KIAA0232: variants seen among roughly 807,000 people sequenced by gnomAD.
The protein encoded by KIAA0232 is KIAA0232, also known as uncharacterized protein KIAA0232.
Under a neutral mutation model 122.0 loss-of-function variants are expected in KIAA0232, and 27 were observed. That is an observed-to-expected ratio of 0.22 (90% CI 0.16 to 0.31). KIAA0232 has a LOEUF of 0.31. KIAA0232 is among the 10% of genes least tolerant of loss of function. The probability of loss-of-function intolerance (pLI) is 1.00; values close to 1 mark genes in which losing one functional copy is unlikely to be tolerated. For missense variants in KIAA0232, 1,551 were observed against 1,634.2 expected (o/e 0.95, Z 0.88); for synonymous variants, 613 against 587.6 (o/e 1.04, Z -0.63).
intron 3 of KIAA0232, among the ~76,000 whole-genome samples, chr4:6,824,995 C>G (rs1171998864): frequency 6.6e-6 from 1 of 152,144 alleles, no homozygotes; most frequent in South Asian, 2.1e-4. Context: ...TAGCAGTGCT[C>G]TGGAATGTTG....
rs531883737 is a variant in KIAA0232 at position 6,839,156 on chromosome 4, TC to T, written c.232-2909del. On this transcript the variant is annotated intron_variant, in intron 3 of 9. Transcript: ENST00000307659. ...TAAAATAAATAAAGCTAAGGATTCT[TC>T]CTTTCAAGCTTCTAGGAATGACATT... Among the ~76,000 whole-genome samples the T allele has an allele frequency of 5.1e-4, 77 of 152,298 alleles. No homozygotes were observed. In the South Asian group the frequency reaches 0.015, roughly 29 times the overall value.
Position 6,863,765 on chromosome 4 carries a change from C to T in KIAA0232, c.3383C>T (p.Ser1128Phe). ...PGGGSESEFE[S>F]EKDEANIPIP... ...GGAGGAAGCGAGTCAGAATTTGAAT[C>T]TGAGAAAGATGAAGCAAATATTCCC... Residue 1128 changes from serine (S) to phenylalanine (F), a missense_variant, in exon 7 of 10, where the codon TCT becomes TTT. Coordinates refer to ENST00000307659, the MANE Select transcript of KIAA0232 (RefSeq NM_014743.3). The T allele has an allele frequency of 6.2e-7, 1 of 1,614,174 alleles. No homozygotes were observed. The highest frequency in any genetic ancestry group is 8.5e-7 in the Non-Finnish European group (1 of 1,180,040).
chr4:6,791,022 G>A lies in KIAA0232; in HGVS notation c.-354+8181G>A, dbSNP rs568707394. Among the ~76,000 whole-genome samples, 3 of 147,688 alleles carry A rather than the reference G, an allele frequency of 2.0e-5. No individual in the cohort carries two copies. The Admixed American group carries it at 2.1e-4, about 10-fold the overall frequency. On this transcript the variant is annotated intron_variant, in intron 1 of 9. Transcript: ENST00000307659. ...CAACCTCCACCTCCCGGGTTCAAGC[G>A]ATTCTCCTGCCTTGGCCTCCTGAGT... is the stretch of plus-strand genomic sequence containing the variant.
chr4:6,802,939 C>T (rs1001856345), intron 1 of KIAA0232, among the ~76,000 whole-genome samples: 9 of 145,746 alleles, frequency 6.2e-5, no homozygotes, highest in Non-Finnish European at 1.3e-4. Flanking sequence ...GGAAGGATCA[C>T]TTGAGGTCAA....
rs1252717646 is a variant in KIAA0232 at position 6,871,692 on chromosome 4, C to T, written c.3910+10C>T. The T allele has an allele frequency of 6.8e-7, 1 of 1,462,614 alleles. No homozygotes were observed. The highest frequency in any genetic ancestry group is 9.5e-7 in the Non-Finnish European group (1 of 1,051,506). 90.6% of individuals were successfully genotyped at this position (1,462,614 alleles called of 1,614,324 possible). A position where few individuals can be genotyped will look rare whatever the true frequency, so the allele number is the denominator to read the frequency against. On this transcript the variant is annotated intron_variant, in intron 8 of 9. Transcript: ENST00000307659. ...GCATCAGAGTGTGAAGGTAAGGAGA[C>T]CTTTGTTAGTTCATTTATTCATTGC...
intron 1 of KIAA0232, among the ~76,000 whole-genome samples, chr4:6,786,443 C>T (rs190504643): frequency 5.3e-5 from 8 of 152,168 alleles, no homozygotes; most frequent in Admixed American, 3.3e-4. Flanking sequence ...GCTGGGACCA[C>T]GGGCATGCAC....
chr4:6,811,356 G>A (rs1717867269), intron 2 of KIAA0232, among the ~76,000 whole-genome samples: 1 of 152,192 alleles, frequency 6.6e-6, no homozygotes, highest in Admixed American at 6.5e-5. Context: ...TAAGGCACAA[G>A]CCAGACATAG....
chr4:6,834,586 T>G (rs1719168267), intron 3 of KIAA0232, among the ~76,000 whole-genome samples: 1 of 152,220 alleles, frequency 6.6e-6, no homozygotes, highest in South Asian at 2.1e-4. Context: ...CCATATATCC[T>G]AATTATGCAT....
At position 6,783,879 on chromosome 4, in the gene KIAA0232, A is replaced by G. The variant is rs576699945; in HGVS notation, c.-354+1038A>G. On this transcript the variant is annotated intron_variant, in intron 1 of 9. Transcript: ENST00000307659. Reference sequence around the variant, plus strand: ...CCAACAATACGCGTCTGCAGCCGGCATTTCTAGAGCTCTCTGCTTCTTCCC... The same window carrying G: ...CCAACAATACGCGTCTGCAGCCGGCGTTTCTAGAGCTCTCTGCTTCTTCCC... 1.7e-3 allele frequency among the ~76,000 whole-genome samples: 256 copies of G among 152,282 alleles called. 1 individual carries two copies. The highest frequency in any genetic ancestry group is 0.015 in the South Asian group (73 of 4,826).
Position 6,881,485 on chromosome 4 carries a change from A to G in KIAA0232, c.*519A>G, listed in dbSNP as rs1722070707. The G allele has an allele frequency of 6.5e-6, 1 of 152,680 alleles. No homozygotes were observed. The allele number at this position is 152,680 out of a possible 1,614,324, so 9.5% of individuals were successfully genotyped here. ...ACTCAGCGGTGGTCTCCATTCAGCA[A>G]AATCTCATGTACATTTCCAGTAGGA... On this transcript the variant is annotated 3_prime_UTR_variant, in exon 10 of 10. Coordinates refer to ENST00000307659, the MANE Select transcript of KIAA0232 (RefSeq NM_014743.3).
At chr4:6,837,586 G>C (rs1001011846) in intron 3 of KIAA0232, among the ~76,000 whole-genome samples, 1 of 152,306 alleles carries the variant, frequency 6.6e-6, no homozygotes, top group Admixed American at 6.5e-5. Flanking sequence ...AGGTTGTAGC[G>C]AGCCGAGATC....
At position 6,861,456 on chromosome 4, in the gene KIAA0232, T is replaced by C. The variant is rs1219979369; in HGVS notation, c.1074T>C (p.Ser358=). The C allele has an allele frequency of 3.1e-6, 5 of 1,614,206 alleles. No homozygotes were observed. The highest frequency in any genetic ancestry group is 4.2e-6 in the Non-Finnish European group (5 of 1,180,038). ...TGSSSSSSSG[S]VKQLCKRGKR... is the part of the protein sequence containing the mutation. ...GTAGTAGCAGTAGCAGCAGTGGTTCTGTCAAACAGCTGTGCAAGCGGGGTA... is the reference window on the plus strand; with the variant it reads ...GTAGTAGCAGTAGCAGCAGTGGTTCCGTCAAACAGCTGTGCAAGCGGGGTA... The change falls in exon 7 of 10, where the codon TCT becomes TCC. Residue 358 remains serine, a synonymous_variant. Coordinates refer to ENST00000307659, the MANE Select transcript of KIAA0232 (RefSeq NM_014743.3).
intron 3 of KIAA0232, among the ~76,000 whole-genome samples, chr4:6,833,315 A>G (rs181485753): frequency 4.5e-4 from 69 of 152,274 alleles, no homozygotes; most frequent in African/African-American, 1.6e-3. Flanking sequence ...TCTTATTTCA[A>G]ATCAGCATTT....
At chr4:6,801,450 A>T (rs1717379831) in intron 1 of KIAA0232, among the ~76,000 whole-genome samples, 1 of 152,076 alleles carries the variant, frequency 6.6e-6, no homozygotes, top group Non-Finnish European at 1.5e-5. Flanking sequence ...GCCCTTTGGG[A>T]GGCTGAGGTG....
At chr4:6,826,994 C>T (rs573951955) in intron 3 of KIAA0232, among the ~76,000 whole-genome samples, 1 of 152,264 alleles carries the variant, frequency 6.6e-6, no homozygotes, top group African/African-American at 2.4e-5. Flanking sequence ...TTGATCCTCC[C>T]TCCAGAGTTC....
At chr4:6,847,020 G>A (rs1347624695) in intron 4 of KIAA0232, among the ~76,000 whole-genome samples, 1 of 151,886 alleles carries the variant, frequency 6.6e-6, no homozygotes, top group African/African-American at 2.4e-5. Context: ...AACAGTTCAA[G>A]TTTATAATCT....
At chr4:6,838,414 C>G (rs1560184662) in intron 3 of KIAA0232, among the ~76,000 whole-genome samples, 4 of 152,138 alleles carry the variant, frequency 2.6e-5, no homozygotes. Flanking sequence ...TTCTCAAACT[C>G]CTGGGCTCAA....
intron 2 of KIAA0232, among the ~76,000 whole-genome samples, chr4:6,821,141 G>A (rs961886500): frequency 2.0e-5 from 3 of 152,158 alleles, no homozygotes; most frequent in African/African-American, 4.8e-5. Context: ...ATTTGCTGGC[G>A]ATAAATTCCT....
intron 2 of KIAA0232, 73 bp from the exon 3 acceptor site, chr4:6,824,112 T>G: frequency 4.8e-6 from 2 of 417,732 alleles, no homozygotes; most frequent in Non-Finnish European, 8.4e-6. Flanking sequence ...TTATTTGATT[T>G]TTTTTCCTCA....
Sources: gnomAD v4.1 joint callset for allele counts (sites outside exome capture counted in the v4.1 genomes callset) on GRCh38, gnomAD v4.1.1 for gene constraint, MANE v1.5 for transcripts, NCBI Gene and HGNC (gene_info 2026-07-23, HGNC 2026-07-21) for gene names.